The following NBEAL1 variants were observed in gnomAD, a reference collection of about 807,000 sequenced individuals.
The protein encoded by NBEAL1 is neurobeachin-like protein 1.
A neutral mutation model predicts 351.3 loss-of-function variants in NBEAL1; 273 were observed. The ratio of observed to expected loss-of-function variants is 0.78; its 90% confidence interval spans 0.70 to 0.86. The LOEUF (loss-of-function observed/expected upper bound fraction) is 0.86, where lower values mean the gene tolerates loss of function less well. NBEAL1 is among the 40% of genes least tolerant of loss of function. The probability of loss-of-function intolerance (pLI) is 0.00; values close to 1 mark genes in which losing one functional copy is unlikely to be tolerated. For missense variants in NBEAL1, 2,961 were observed against 3,201.3 expected, an observed-to-expected ratio of 0.92 and a Z score of 1.81; for synonymous variants, 1,050 against 1,086.4, an observed-to-expected ratio of 0.97 and a Z score of 0.66.
At chr2:203,075,300 T>C (rs370166068) in intron 7 of NBEAL1, among the ~76,000 whole-genome samples, 2 of 152,368 alleles carry the variant, frequency 1.3e-5, no homozygotes, top group Admixed American at 6.5e-5. Flanking sequence ...TCATCATGAA[T>C]AACATTCCTT....
intron 36 of NBEAL1, among the ~76,000 whole-genome samples, chr2:203,163,804 T>G (rs1346887276): frequency 2.6e-5 from 4 of 152,194 alleles, no homozygotes; most frequent in African/African-American, 9.6e-5. Context: ...TTATTTCAGT[T>G]TGGGATTATT....
intron 2 of NBEAL1, among the ~76,000 whole-genome samples, chr2:203,037,193 G>A (rs1180171402): frequency 2.0e-5 from 3 of 149,128 alleles, no homozygotes; most frequent in Non-Finnish European, 3.0e-5. Context: ...GCATATTCTG[G>A]GAACATTCTT....
chr2:203,057,897 A>G (rs539546820), intron 6 of NBEAL1, among the ~76,000 whole-genome samples: 1 of 145,904 alleles, frequency 6.9e-6, no homozygotes, highest in Non-Finnish European at 1.5e-5. Flanking sequence ...GTGCAGTGGC[A>G]CAGTGGCATG....
chr2:203,018,053 A>G (rs2060708699), intron 2 of NBEAL1, among the ~76,000 whole-genome samples: 1 of 152,160 alleles, frequency 6.6e-6, no homozygotes, highest in South Asian at 2.1e-4. Context: ...TTAACGGATA[A>G]GCTTTTTGTA....
In NBEAL1 at chr2:203,049,904, G is replaced by T; in HGVS notation, c.234G>T (p.Met78Ile). Reference sequence around the variant, plus strand: ...AGCTTCTACAGTGTGTTCAGAAAATGGCAGATGGGTTAGAGGAACAACAGC... The same window carrying T: ...AGCTTCTACAGTGTGTTCAGAAAATTGCAGATGGGTTAGAGGAACAACAGC... ...RIQLLQCVQKMADGLEEQQQA... is the reference protein window; with the variant it reads ...RIQLLQCVQKIADGLEEQQQA... The change falls in exon 4 of 56, where the codon ATG (methionine) becomes ATT (isoleucine). Residue 78 changes from methionine to isoleucine, a missense_variant. Transcript: ENST00000683969. 6.4e-7 allele frequency: 1 copy of T among 1,557,040 alleles called. No individual in the cohort carries two copies.
At position 203,041,811 on chromosome 2, in the gene NBEAL1, G is replaced by C; in HGVS notation, c.98G>C (p.Ser33Thr). 6.4e-7 allele frequency: 1 copy of C among 1,554,158 alleles called. No homozygotes were observed. Among genetic ancestry groups the C allele is most frequent in the Non-Finnish European group, 8.7e-7 (1 of 1,147,610 alleles). The change falls in exon 3 of 56, where the codon AGC (serine) becomes ACC (threonine). Residue 33 changes from serine to threonine, a missense_variant. Transcript: ENST00000683969. Reference sequence around the variant, plus strand: ...CTGTGGTTGGACACTTTTGTTTCTAGCTATGAACAATTTTTAGACGTTGAC... The same window carrying C: ...CTGTGGTTGGACACTTTTGTTTCTACCTATGAACAATTTTTAGACGTTGAC... ...LKLWLDTFVSSYEQFLDVDFE... is the reference protein window; with the variant it reads ...LKLWLDTFVSTYEQFLDVDFE...
chr2:203,180,298 C>G, intron 42 of NBEAL1, 84 bp from the exon 43 acceptor site: 1 of 1,273,746 alleles, frequency 7.9e-7, no homozygotes, highest in Non-Finnish European at 1.1e-6. Context: ...CATTAGGAAC[C>G]CTGAAGGGAG....
At chr2:203,080,487 C>CTG (rs2106158955) in intron 8 of NBEAL1, among the ~76,000 whole-genome samples, 1 of 152,228 alleles carries the variant, frequency 6.6e-6, no homozygotes, top group African/African-American at 2.4e-5. Flanking sequence ...TTTGTTTTCT[C>CTG]TCTGTATGTT....
chr2:203,116,768 C>T (rs935979832), intron 18 of NBEAL1, among the ~76,000 whole-genome samples: 6 of 132,662 alleles, frequency 4.5e-5, no homozygotes, highest in Non-Finnish European at 9.3e-5. Flanking sequence ...CCAGCCTAGG[C>T]AACAGAGCAA....
intron 12 of NBEAL1, among the ~76,000 whole-genome samples, chr2:203,101,768 GTA>G (rs2062329013): frequency 6.6e-6 from 1 of 152,050 alleles, no homozygotes; most frequent in African/African-American, 2.4e-5. Context: ...TAATTTTTTT[GTA>G]TTTTCAGTAG....
chr2:203,180,228 A>G (rs1197797855), intron 42 of NBEAL1, among the ~76,000 whole-genome samples, 154 bp from the exon 43 acceptor site: 1 of 152,242 alleles, frequency 6.6e-6, no homozygotes, highest in Non-Finnish European at 1.5e-5. Flanking sequence ...TATCATAATA[A>G]GGAGAGTAAA....
At chr2:203,099,865 A>G (rs567754272) in intron 12 of NBEAL1, among the ~76,000 whole-genome samples, 153 bp downstream of exon 12, 56 of 152,224 alleles carry the variant, frequency 3.7e-4, no homozygotes, top group Non-Finnish European at 7.6e-4. Flanking sequence ...ATAGTACCCA[A>G]TAGGTAGTTT....
At chr2:203,094,534 TG>T (rs1303516338) in intron 10 of NBEAL1, among the ~76,000 whole-genome samples, 1 of 152,224 alleles carries the variant, frequency 6.6e-6, no homozygotes, top group East Asian at 1.9e-4. Context: ...ATGAATCAGA[TG>T]GACAACCTTA....
At position 203,222,895 on chromosome 2, in the gene NBEAL1, A is replaced by G. The variant is rs2065966778; in HGVS notation, c.*5541A>G. On this transcript the variant is annotated 3_prime_UTR_variant, in exon 56 of 56. Transcript: ENST00000683969. ...ATAATCTTTAATTTTTTATAGGTAT[A>G]ACAGAGAAGAACGCATTAACATTTA... 6.6e-6 allele frequency among the ~76,000 whole-genome samples: 1 copy of G among 152,228 alleles called. No individual in the cohort carries two copies. Among genetic ancestry groups the G allele is most frequent in the Non-Finnish European group, 1.5e-5 (1 of 68,028 alleles).
intron 12 of NBEAL1, among the ~76,000 whole-genome samples, chr2:203,105,213 A>G (rs2062408354): frequency 6.6e-6 from 1 of 151,948 alleles, no homozygotes; most frequent in South Asian, 2.1e-4. Context: ...CTGTGATCCC[A>G]GCACTTTGGG....
intron 36 of NBEAL1, among the ~76,000 whole-genome samples, chr2:203,158,794 T>G (rs2063865077): frequency 6.6e-6 from 1 of 151,402 alleles, no homozygotes; most frequent in Non-Finnish European, 1.5e-5. Context: ...TCCAGTTTTT[T>G]TGTGTGTGTT....
intron 52 of NBEAL1, among the ~76,000 whole-genome samples, 189 bp from the exon 53 acceptor site, chr2:203,208,972 A>T (rs1221040389): frequency 1.3e-5 from 2 of 152,210 alleles, no homozygotes; most frequent in South Asian, 2.1e-4. Context: ...GGAAGAGGAC[A>T]TTCTAGGAAA....
chr2:203,116,187 T>C (rs2062692976), intron 18 of NBEAL1, 117 bp downstream of exon 18: 2 of 710,070 alleles, frequency 2.8e-6, no homozygotes, highest in Middle Eastern at 2.5e-4. Context: ...TGAATTGCCA[T>C]CAAAATAATC....
At chr2:203,070,513 AC>A (rs2061664867) in intron 7 of NBEAL1, among the ~76,000 whole-genome samples, 2 of 151,958 alleles carry the variant, frequency 1.3e-5, no homozygotes. Flanking sequence ...ACATGAATGC[AC>A]CATCATAAGC....
Sources: gnomAD v4.1 joint callset for allele counts (sites outside exome capture counted in the v4.1 genomes callset) on GRCh38, gnomAD v4.1.1 for gene constraint, MANE v1.5 for transcripts, NCBI Gene and HGNC (gene_info 2026-07-23, HGNC 2026-07-21) for gene names.